Variants in PIK3R6 observed in about 807,000 individuals in gnomAD.
PIK3R6 encodes the protein phosphoinositide 3-kinase regulatory subunit 6.
In PIK3R6, 91 loss-of-function variants were observed where a neutral mutation model predicts 84.9. That is an observed-to-expected ratio of 1.07 (90% confidence interval 0.90 to 1.28). The LOEUF (loss-of-function observed/expected upper bound fraction) is 1.28. PIK3R6 is among the 50% of genes most tolerant of loss of function. PIK3R6 has a pLI of 0.00. For synonymous variants in PIK3R6, 416 were observed against 411.4 expected (o/e 1.01, Z -0.13); for missense variants, 996 against 985.1 (o/e 1.01, Z -0.15).
chr17:8,838,581 G>A lies in PIK3R6; in HGVS notation c.172C>T (p.Leu58Phe). The A allele has an allele frequency of 6.2e-7, 1 of 1,603,222 alleles. No homozygotes were observed. Among genetic ancestry groups the A allele is most frequent in the African/African-American group, 1.3e-5 (1 of 74,858 alleles). ...GAACTCACCTTCTCCAGTTCTCTGA[G>A]AAGAATGCGGACCAGCACTGGGCTC... ...GKSPVLVRIL[L>F]RELEKAESQD... Residue 58 changes from leucine (L) to phenylalanine (F), a missense_variant, in exon 4 of 20, where the codon CTC becomes TTC. Physicochemically the swap from Leu to Phe is conservative, Grantham distance 22 (BLOSUM62 0). Transcript: ENST00000619866.
In PIK3R6 at chr17:8,829,798, G is replaced by C. The variant is rs574886206; in HGVS notation, c.803-6C>G. On this transcript the variant is annotated splice_region_variant and splice_polypyrimidine_tract_variant and intron_variant, in intron 9 of 19. Coordinates refer to ENST00000619866, the MANE Select transcript of PIK3R6 (RefSeq NM_001010855.4). ...CCGCTCTTGGACAAGGTCACCTGCA[G>C]AAAGGAGCAGGCTGTGGAGGCCATG... The C allele has an allele frequency of 1.3e-6, 2 of 1,549,748 alleles. No homozygotes were observed. The highest frequency in any genetic ancestry group is 3.9e-5 in the Admixed American group (2 of 50,874).
intron 18 of PIK3R6, among the ~76,000 whole-genome samples, chr17:8,818,816 G>A (rs1013250955): frequency 7.9e-5 from 12 of 152,156 alleles, no homozygotes; most frequent in Admixed American, 7.2e-4. Flanking sequence ...AGTCATCTGG[G>A]TATGTCTTGG....
Position 8,823,048 on chromosome 17 carries a change from G to A in PIK3R6, c.1665C>T (p.Asp555=), listed in dbSNP as rs748935867. 8 of 1,610,576 alleles carry A rather than the reference G, an allele frequency of 5.0e-6. No individual in the cohort carries two copies. The highest frequency in any genetic ancestry group is 6.8e-6 in the Non-Finnish European group (8 of 1,176,912). The change falls in exon 15 of 20, where the codon GAC becomes GAT. Residue 555 remains aspartate, a synonymous_variant. Transcript: ENST00000619866. ...FSDLSQDPTE[D]IFLIELKVKI... ...TCACCTTCAGTTCAATGAGGAAAAT[G>A]TCCTCAGTAGGGTCTTGGCTCAGGT...
rs772987540 is a variant in PIK3R6 at position 8,803,271 on chromosome 17, G to A, written c.*2C>T. On this transcript the variant is annotated 3_prime_UTR_variant, in exon 20 of 20. Transcript: ENST00000619866. The surrounding 1 kb of genome is among the most constrained non-coding windows in gnomAD (Gnocchi z 5.0). The stretch of plus-strand genomic sequence containing the variant: ...CCTCCTGGGCCTGCTGTCCCTGCAG[G>A]CTCACTGGACAATACCAGAGAATGT... The A allele has an allele frequency of 6.2e-7, 1 of 1,612,114 alleles. No homozygotes were observed. The highest frequency in any genetic ancestry group is 8.5e-7 in the Non-Finnish European group (1 of 1,179,812).
Position 8,803,627 on chromosome 17 carries a change from C to T in PIK3R6, c.2109-198G>A. The T allele has an allele frequency of 1.7e-6, 1 of 590,644 alleles. No homozygotes were observed. Among genetic ancestry groups the T allele is most frequent in the Non-Finnish European group, 2.9e-6 (1 of 342,770 alleles). 36.6% of individuals were successfully genotyped at this position (590,644 alleles called of 1,614,324 possible). Reference sequence around the variant, plus strand: ...CTGGGGTTCACCGGGAGAGGAGACACTTGGAGCAAGTAACTCTGCGCATGC... The same window carrying T: ...CTGGGGTTCACCGGGAGAGGAGACATTTGGAGCAAGTAACTCTGCGCATGC... On this transcript the variant is annotated intron_variant, in intron 19 of 19. Transcript: ENST00000619866. This position sits in a 1 kb window ranked among gnomAD's most constrained non-coding sequence, Gnocchi z 5.0.
chr17:8,860,078 A>G (rs1461964654), intron 1 of PIK3R6, among the ~76,000 whole-genome samples: 1 of 152,250 alleles, frequency 6.6e-6, no homozygotes, highest in Non-Finnish European at 1.5e-5. Flanking sequence ...CACTTTTCAC[A>G]TAAAAAACCA....
intron 13 of PIK3R6, 107 bp from the exon 14 acceptor site, chr17:8,823,604 TAACCC>T: frequency 1.4e-6 from 1 of 723,086 alleles, no homozygotes; most frequent in Non-Finnish European, 2.4e-6. Flanking sequence ...TGGGATGCAC[TAACCC>T]AGTGCGTCCT....
At chr17:8,811,280 T>C (rs983301751) in intron 18 of PIK3R6, among the ~76,000 whole-genome samples, 3 of 148,254 alleles carry the variant, frequency 2.0e-5, no homozygotes, top group Admixed American at 1.4e-4. Context: ...ACAGCACGGG[T>C]ACCCTGGGCC....
intron 13 of PIK3R6, 89 bp downstream of exon 13, chr17:8,827,083 G>A (rs2087943035): frequency 4.1e-6 from 6 of 1,449,006 alleles, no homozygotes; most frequent in Admixed American, 4.3e-5. Flanking sequence ...TTTCACCCTC[G>A]CTGCCTACTT....
intron 16 of PIK3R6, 28 bp downstream of exon 16, chr17:8,822,559 C>T (rs1485433168): frequency 1.2e-6 from 2 of 1,612,488 alleles, no homozygotes; most frequent in Non-Finnish European, 1.7e-6. Context: ...CTCTTGGCTA[C>T]CTACTGACCA....
At chr17:8,833,105 T>G in intron 8 of PIK3R6, 60 bp from the exon 9 acceptor site, 1 of 1,483,604 alleles carries the variant, frequency 6.7e-7, no homozygotes, top group Non-Finnish European at 8.9e-7. Context: ...CCCCAGCTCC[T>G]AAGCCAAGTC....
chr17:8,805,975 T>TGGGCTC (rs1336868335), intron 18 of PIK3R6, among the ~76,000 whole-genome samples: 1 of 18,018 alleles, frequency 5.6e-5, no homozygotes, highest in African/African-American at 2.7e-4. Flanking sequence ...TCTGGAGCTG[T>TGGGCTC]CAGGCACAGT....
At chr17:8,841,142 C>T (rs1435661636) in intron 2 of PIK3R6, among the ~76,000 whole-genome samples, 3 of 152,112 alleles carry the variant, frequency 2.0e-5, no homozygotes. Context: ...CTACAGCACC[C>T]TGTCTTTTCT....
intron 9 of PIK3R6, 70 bp from the exon 10 acceptor site, chr17:8,829,862 G>A: frequency 7.8e-7 from 1 of 1,276,590 alleles, no homozygotes; most frequent in South Asian, 1.3e-5. Flanking sequence ...TCCCCATCCT[G>A]CCCAGCTCCT....
chr17:8,823,234 T>C (rs150833283), intron 14 of PIK3R6, 148 bp from the exon 15 acceptor site: 6 of 806,260 alleles, frequency 7.4e-6, no homozygotes, highest in Non-Finnish European at 1.0e-5. Flanking sequence ...AATAATGATC[T>C]GATTCATTTA....
At chr17:8,835,004 G>A (rs2088403158) in intron 8 of PIK3R6, among the ~76,000 whole-genome samples, 1 of 151,934 alleles carries the variant, frequency 6.6e-6, no homozygotes, top group Non-Finnish European at 1.5e-5. Context: ...CGGCCAGTTA[G>A]TTTTTGTATC....
At chr17:8,866,037 G>C (rs1436624906) in intron 1 of PIK3R6, among the ~76,000 whole-genome samples, 2 of 152,174 alleles carry the variant, frequency 1.3e-5, no homozygotes, top group Non-Finnish European at 2.9e-5. Context: ...TGTAGGGCCT[G>C]CAGCAGGTTC....
rs1339752253 is a variant in PIK3R6, at chr17:8,862,054, G to A, written c.-92+5475C>T. On this transcript the variant is annotated intron_variant, in intron 1 of 19. Transcript: ENST00000619866. The surrounding 1 kb of genome is among the most constrained non-coding windows in gnomAD (Gnocchi z 4.3). ...TTAAGATAGAAAGGGCATTAAATGT[G>A]TGGGTGCAAGACCTGAGCAGAAATG... 2.0e-5 allele frequency among the ~76,000 whole-genome samples: 3 copies of A among 152,216 alleles called. No homozygotes were observed. Among genetic ancestry groups the A allele is most frequent in the Non-Finnish European group, 4.4e-5 (3 of 68,048 alleles).
In PIK3R6 at chr17:8,839,375, A is replaced by G. The variant is rs919540935; in HGVS notation, c.97+239T>C. Among the ~76,000 whole-genome samples the G allele has an allele frequency of 6.6e-6, 1 of 151,866 alleles. No individual in the cohort carries two copies. The highest frequency in any genetic ancestry group is 2.4e-5 in the African/African-American group (1 of 41,368). On this transcript the variant is annotated intron_variant, in intron 3 of 19. Coordinates refer to ENST00000619866, the MANE Select transcript of PIK3R6 (RefSeq NM_001010855.4). This position sits in a 1 kb window ranked among gnomAD's most constrained non-coding sequence, Gnocchi z 4.2. The stretch of plus-strand genomic sequence containing the variant: ...AAACAAAAGAAAAAAAAAAGGAAAG[A>G]AAAAGGGTGGCAGATCCCCAATGTG...
Sources: gnomAD v4.1 joint callset for allele counts (sites outside exome capture counted in the v4.1 genomes callset) on GRCh38, gnomAD v4.1.1 for gene constraint, Gnocchi (gnomAD v3.1) non-coding constraint, MANE v1.5 for transcripts, NCBI Gene and HGNC (gene_info 2026-07-23, HGNC 2026-07-21) for gene names.